The following CAMTA1 variants were observed in gnomAD, a reference collection of about 807,000 sequenced individuals.
CAMTA1 encodes calmodulin-binding transcription activator 1.
A neutral mutation model predicts 170.9 loss-of-function variants in CAMTA1; 27 were observed. That is an observed-to-expected ratio of 0.16 (90% CI 0.12 to 0.22). The LOEUF (loss-of-function observed/expected upper bound fraction) is 0.22, where lower values mean the gene tolerates loss of function less well. Among genes scored for constraint, CAMTA1 ranks in the 10% least tolerant of loss-of-function variants. The pLI is 1.00. For missense variants in CAMTA1, 1,619 were observed against 2,217.2 expected (o/e 0.73, Z 5.42); for synonymous variants, 833 against 891.5 (o/e 0.93, Z 1.17).
Position 7,674,911 on chromosome 1 carries a change from T to G in CAMTA1, c.2780-2688T>G, listed in dbSNP as rs529216692. On this transcript the variant is annotated intron_variant, in intron 10 of 22. Transcript: ENST00000303635. The surrounding 1 kb of genome is among the most constrained non-coding windows in gnomAD (Gnocchi z 4.1). ...TGACCTTGGCACTAGGCATGAAGATTAAGACAGAGCCAGTCCCAGCTCTCA... is the reference window on the plus strand; with the variant it reads ...TGACCTTGGCACTAGGCATGAAGATGAAGACAGAGCCAGTCCCAGCTCTCA... Among the ~76,000 whole-genome samples the G allele has an allele frequency of 1.3e-5, 2 of 152,316 alleles. No individual in the cohort carries two copies. Among genetic ancestry groups the G allele is most frequent in the East Asian group, 1.9e-4 (1 of 5,186 alleles).
chr1:7,638,775 G>A (rs1426983245), intron 6 of CAMTA1, among the ~76,000 whole-genome samples: 5 of 152,072 alleles, frequency 3.3e-5, no homozygotes, highest in African/African-American at 9.7e-5. Context: ...CAGTATTGTC[G>A]TGGCCAGATA....
intron 11 of CAMTA1, among the ~76,000 whole-genome samples, chr1:7,724,894 T>C (rs2096673697): frequency 2.0e-5 from 3 of 150,776 alleles, no homozygotes; most frequent in Non-Finnish European, 4.4e-5. Context: ...TGTATATAAA[T>C]ATCCCCATTT....
chr1:7,754,587 G>A (rs766626448), intron 21 of CAMTA1, among the ~76,000 whole-genome samples: 3 of 152,178 alleles, frequency 2.0e-5, no homozygotes, highest in South Asian at 2.1e-4. Context: ...TTCTCTTTCT[G>A]TAAACTGGTA....
chr1:6,881,266 AG>A (rs1358251837), intron 3 of CAMTA1, among the ~76,000 whole-genome samples: 1 of 152,240 alleles, frequency 6.6e-6, no homozygotes, highest in Non-Finnish European at 1.5e-5. Flanking sequence ...CAGTGCAGCA[AG>A]GTACACAGTG....
At chr1:7,370,914 C>CTT (rs61387662) in intron 5 of CAMTA1, among the ~76,000 whole-genome samples, 10 of 109,982 alleles carry the variant, frequency 9.1e-5, no homozygotes, top group Admixed American at 7.1e-4. Context: ...TTCTTTCTTT[C>CTT]TTTTTTTTTT....
rs557104011 is a variant in CAMTA1, at chr1:7,568,738, C to A, written c.511-71662C>A. On this transcript the variant is annotated intron_variant, in intron 6 of 22. Coordinates refer to ENST00000303635, the MANE Select transcript of CAMTA1 (RefSeq NM_015215.4). The stretch of plus-strand genomic sequence containing the variant: ...CACCACCATCCAACATCAACATCAC[C>A]ATCCTCATCACCACATCACCATCAT... 2.0e-5 allele frequency among the ~76,000 whole-genome samples: 3 copies of A among 151,692 alleles called. No individual in the cohort carries two copies. In the East Asian group the frequency reaches 5.8e-4, roughly 30 times the overall value.
intron 3 of CAMTA1, among the ~76,000 whole-genome samples, chr1:6,894,582 T>C (rs1675238719): frequency 6.6e-6 from 1 of 152,278 alleles, no homozygotes; most frequent in Non-Finnish European, 1.5e-5. Context: ...GCCGCTGTGC[T>C]GATTTGACGG....
chr1:6,905,188 C>CTTTTTTTTTTTTTTT (rs34960802), intron 3 of CAMTA1, among the ~76,000 whole-genome samples: 1 of 109,924 alleles, frequency 9.1e-6, no homozygotes. Flanking sequence ...TGCCTTGTTC[C>CTTTTTTTTTTTTTTT]TTTTTTTTTT....
chr1:7,134,199 C>T (rs944512036), intron 4 of CAMTA1, among the ~76,000 whole-genome samples: 7 of 152,206 alleles, frequency 4.6e-5, no homozygotes, highest in Admixed American at 6.5e-5. Flanking sequence ...TGACCTCCAC[C>T]TGCATCCATG....
intron 5 of CAMTA1, among the ~76,000 whole-genome samples, chr1:7,444,241 G>A (rs930677379): frequency 7.9e-5 from 12 of 152,216 alleles, no homozygotes; most frequent in Admixed American, 3.9e-4. Flanking sequence ...CCTCAGGGCT[G>A]TATCCAAGCA....
At chr1:7,548,643 T>C (rs1167016581) in intron 6 of CAMTA1, among the ~76,000 whole-genome samples, 5 of 128,390 alleles carry the variant, frequency 3.9e-5, no homozygotes, top group Admixed American at 1.6e-4. Context: ...GTGGAGGTGC[T>C]GGTGGAGGGT....
chr1:6,859,743 C>T (rs1663910789), intron 3 of CAMTA1, among the ~76,000 whole-genome samples: 1 of 152,126 alleles, frequency 6.6e-6, no homozygotes, highest in South Asian at 2.1e-4. Flanking sequence ...GAGCTGTGAT[C>T]GTGCGAGTGC....
At chr1:7,356,296 G>A (rs551194482) in intron 5 of CAMTA1, among the ~76,000 whole-genome samples, 52 of 152,346 alleles carry the variant, frequency 3.4e-4, no homozygotes, top group Non-Finnish European at 5.0e-4. Context: ...GCCTTGGGCA[G>A]GGCTCAAGTG....
intron 4 of CAMTA1, among the ~76,000 whole-genome samples, chr1:7,210,302 G>A (rs1658523702): frequency 6.6e-6 from 1 of 152,090 alleles, no homozygotes; most frequent in Non-Finnish European, 1.5e-5. Flanking sequence ...CAGCATACAG[G>A]CCATTTATTT....
chr1:7,077,156 C>G (rs147631216), intron 3 of CAMTA1, among the ~76,000 whole-genome samples: 66 of 151,164 alleles, frequency 4.4e-4, no homozygotes, highest in African/African-American at 1.4e-3. Flanking sequence ...ATGAATCTTA[C>G]TTGCTCCCTA....
At chr1:7,130,127 C>T (rs546228508) in intron 4 of CAMTA1, among the ~76,000 whole-genome samples, 2 of 152,124 alleles carry the variant, frequency 1.3e-5, no homozygotes, top group South Asian at 2.1e-4. Flanking sequence ...TTAGTAGAGA[C>T]GGGGTTTCAC....
chr1:7,557,959 A>T (rs888306807), intron 6 of CAMTA1, among the ~76,000 whole-genome samples: 1 of 152,178 alleles, frequency 6.6e-6, no homozygotes, highest in Non-Finnish European at 1.5e-5. Context: ...CCCCGTGAGC[A>T]TCTTTACCTC....
At chr1:7,038,518 C>T (rs1173232361) in intron 3 of CAMTA1, among the ~76,000 whole-genome samples, 1 of 152,216 alleles carries the variant, frequency 6.6e-6, no homozygotes, top group East Asian at 1.9e-4. Context: ...CCAAGTAGCG[C>T]CTGTGGCTAG....
chr1:7,625,076 T>G (rs1201809689), intron 6 of CAMTA1, among the ~76,000 whole-genome samples: 1 of 152,148 alleles, frequency 6.6e-6, no homozygotes, highest in Non-Finnish European at 1.5e-5. Flanking sequence ...CAGCCGATCA[T>G]GGAGGCCATT....
Sources: gnomAD v4.1 joint callset for allele counts (sites outside exome capture counted in the v4.1 genomes callset) on GRCh38, gnomAD v4.1.1 for gene constraint, Gnocchi (gnomAD v3.1) non-coding constraint, MANE v1.5 for transcripts, NCBI Gene and HGNC (gene_info 2026-07-23, HGNC 2026-07-21) for gene names.